The following ARHGAP12 variants were observed in gnomAD, a reference collection of about 807,000 sequenced individuals.
The protein encoded by ARHGAP12 is rho GTPase-activating protein 12.
Under a neutral mutation model 108.6 loss-of-function variants are expected in ARHGAP12, and 64 were observed. The ratio of observed to expected loss-of-function variants is 0.59; its 90% CI spans 0.48 to 0.73. The LOEUF is 0.73. ARHGAP12 is among the 30% of genes least tolerant of loss of function. ARHGAP12 has a pLI of 0.00. For synonymous variants in ARHGAP12, 312 were observed against 337.2 expected, an observed-to-expected ratio of 0.93 and a Z score of 0.82; for missense variants, 940 against 1,005.9, an observed-to-expected ratio of 0.93 and a Z score of 0.89.
intron 1 of ARHGAP12, among the ~76,000 whole-genome samples, chr10:31,920,293 T>C (rs1452312581): frequency 1.3e-5 from 2 of 149,274 alleles, no homozygotes; most frequent in African/African-American, 4.9e-5. Flanking sequence ...CTACTAAAAA[T>C]ACAGAAATTA....
chr10:31,864,707 T>C (rs1225103720), intron 3 of ARHGAP12, among the ~76,000 whole-genome samples: 5 of 152,236 alleles, frequency 3.3e-5, no homozygotes, highest in African/African-American at 1.2e-4. Flanking sequence ...TCCACGCTTC[T>C]AGTTTTGAAA....
chr10:31,808,954 T>G (rs756360986), intron 18 of ARHGAP12, 40 bp downstream of exon 18: 1 of 1,527,846 alleles, frequency 6.5e-7, no homozygotes, highest in Non-Finnish European at 8.9e-7. Context: ...GCAAAGAATT[T>G]TCAATATCTA....
At chr10:31,833,745 C>A (rs1446367356) in intron 9 of ARHGAP12, among the ~76,000 whole-genome samples, 1 of 152,118 alleles carries the variant, frequency 6.6e-6, no homozygotes, top group African/African-American at 2.4e-5. Flanking sequence ...TCCTGGGGAA[C>A]TTGACACTTG....
At chr10:31,910,760 G>A (rs1839309827) in intron 1 of ARHGAP12, among the ~76,000 whole-genome samples, 197 bp from the exon 2 acceptor site, 1 of 152,116 alleles carries the variant, frequency 6.6e-6, no homozygotes, top group Non-Finnish European at 1.5e-5. Context: ...CACTGAGGCT[G>A]GCTTTACCAC....
chr10:31,918,782 G>T (rs1023419779), intron 1 of ARHGAP12, among the ~76,000 whole-genome samples: 2 of 152,216 alleles, frequency 1.3e-5, no homozygotes, highest in African/African-American at 4.8e-5. Context: ...TGCACTGCTG[G>T]TGGAAATGTA....
intron 3 of ARHGAP12, among the ~76,000 whole-genome samples, chr10:31,879,065 A>T (rs1233568984): frequency 6.6e-6 from 1 of 152,236 alleles, no homozygotes; most frequent in Non-Finnish European, 1.5e-5. Context: ...TATCATTAAC[A>T]GTGTATTTCA....
intron 11 of ARHGAP12, among the ~76,000 whole-genome samples, chr10:31,822,236 C>T (rs781305127): frequency 1.6e-4 from 25 of 152,190 alleles, no homozygotes; most frequent in Admixed American, 5.2e-4. Flanking sequence ...GCAACAGGAA[C>T]ACATACAGTG....
chr10:31,860,668 G>A (rs367885604), intron 4 of ARHGAP12, among the ~76,000 whole-genome samples: 3 of 152,126 alleles, frequency 2.0e-5, no homozygotes, highest in Non-Finnish European at 2.9e-5. Context: ...GTCTTGTACC[G>A]CTGACTGACA....
chr10:31,807,574 T>C lies in ARHGAP12; in HGVS notation c.*84A>G. On this transcript the variant is annotated 3_prime_UTR_variant, in exon 20 of 20. Transcript: ENST00000344936. ...GCAAAATCAAAGAGTCACTGCTTGG[T>C]CCAAAAAATAAAATACATTGTGTAT... 2 of 1,398,258 alleles carry C rather than the reference T, an allele frequency of 1.4e-6. No homozygotes were observed. The highest frequency in any genetic ancestry group is 1.9e-6 in the Non-Finnish European group (2 of 1,041,464). The allele number at this position is 1,398,258 out of a possible 1,614,324, so 86.6% of individuals were successfully genotyped here.
At chr10:31,869,054 A>G (rs1305020256) in intron 3 of ARHGAP12, among the ~76,000 whole-genome samples, 11 of 152,202 alleles carry the variant, frequency 7.2e-5, no homozygotes, top group Non-Finnish European at 1.3e-4. Flanking sequence ...TAAATACTGA[A>G]AGACAATTCT....
At position 31,817,836 on chromosome 10, in the gene ARHGAP12, A is replaced by G. The variant is rs140610193; in HGVS notation, c.1683T>C (p.Thr561=). ...GAACTTTAAACCAATCATTAATAAC[A>G]GTGTCATTGTCAGACTGAATTAGCA... ...TELLIQSDND[T]VINDWFKVLS... Residue 561 remains threonine (T), a synonymous_variant, in exon 13 of 20, where the codon ACT becomes ACC. Transcript: ENST00000344936. 1.3e-4 allele frequency: 214 copies of G among 1,612,470 alleles called. No individual in the cohort carries two copies. The African/African-American group carries it at 2.5e-3, about 19-fold the overall frequency.
chr10:31,873,905 T>C (rs1837628879), intron 3 of ARHGAP12, among the ~76,000 whole-genome samples: 1 of 152,258 alleles, frequency 6.6e-6, no homozygotes, highest in Admixed American at 6.5e-5. Flanking sequence ...ACTTAGTTAC[T>C]ATTTTATGCT....
At chr10:31,832,101 T>C (rs376824072) in intron 9 of ARHGAP12, among the ~76,000 whole-genome samples, 3 of 152,192 alleles carry the variant, frequency 2.0e-5, no homozygotes, top group African/African-American at 4.8e-5. Flanking sequence ...AAATAATTTA[T>C]GTCTTTCTAT....
intron 4 of ARHGAP12, among the ~76,000 whole-genome samples, chr10:31,856,461 A>T (rs1478298122): frequency 6.6e-6 from 1 of 152,190 alleles, no homozygotes; most frequent in Non-Finnish European, 1.5e-5. Flanking sequence ...GTGAACCATT[A>T]ACAAATTTTG....
At chr10:31,847,757 T>A (rs1014190595) in intron 6 of ARHGAP12, among the ~76,000 whole-genome samples, 2 of 152,090 alleles carry the variant, frequency 1.3e-5, no homozygotes, top group African/African-American at 4.8e-5. Context: ...ACAGTCTCCA[T>A]AGTGCCCAGG....
intron 11 of ARHGAP12, among the ~76,000 whole-genome samples, chr10:31,820,782 T>A (rs2132169046): frequency 6.7e-6 from 1 of 149,952 alleles, no homozygotes; most frequent in South Asian, 2.1e-4. Context: ...TGGGAAAAAA[T>A]TTTTTCAAAA....
Position 31,908,874 on chromosome 10 carries a change from C to A in ARHGAP12, c.-19G>T. 1.3e-6 allele frequency: 2 copies of A among 1,556,728 alleles called. No homozygotes were observed. The highest frequency in any genetic ancestry group is 1.2e-5 in the South Asian group (1 of 82,774). On this transcript the variant is annotated 5_prime_UTR_variant, in exon 3 of 20. It introduces an in-frame stop codon into an upstream open reading frame of the 5' UTR. Coordinates refer to ENST00000344936, the MANE Select transcript of ARHGAP12 (RefSeq NM_018287.7). ...TTTTCATTCAATAATATTCACCTCT[C>A]AAAAAGGATGTTATACCACATTATG...
At chr10:31,870,707 A>G (rs1438106447) in intron 3 of ARHGAP12, among the ~76,000 whole-genome samples, 1 of 152,206 alleles carries the variant, frequency 6.6e-6, no homozygotes, top group South Asian at 2.1e-4. Flanking sequence ...TACATGATCA[A>G]TATTACCTGA....
intron 3 of ARHGAP12, among the ~76,000 whole-genome samples, chr10:31,873,591 A>G (rs868039579): frequency 2.2e-4 from 33 of 152,354 alleles, no homozygotes; most frequent in African/African-American, 7.2e-4. Context: ...TAAGCCCCTT[A>G]GGAGTTAAGA....
Sources: allele counts gnomAD v4.1 joint callset (sites outside exome capture counted in the v4.1 genomes callset), GRCh38; gene constraint gnomAD v4.1.1; transcripts MANE v1.5; gene names NCBI Gene and HGNC (gene_info 2026-07-23, HGNC 2026-07-21).